OPHN1: variants seen among roughly 807,000 people sequenced by gnomAD.
OPHN1 encodes oligophrenin 1, also known as oligophrenin-1.
A neutral mutation model predicts 60.7 loss-of-function variants in OPHN1; 11 were observed. The ratio of observed to expected loss-of-function variants is 0.18; its 90% confidence interval spans 0.11 to 0.30. OPHN1 has a LOEUF of 0.30. Among genes scored for constraint, OPHN1 ranks in the 10% least tolerant of loss-of-function variants. The probability of loss-of-function intolerance (pLI) is 1.00; values close to 1 mark genes in which losing one functional copy is unlikely to be tolerated. For missense variants in OPHN1, 449 were observed against 611.0 expected (o/e 0.73, Z 2.80); for synonymous variants, 226 against 222.6 (o/e 1.02, Z -0.14).
intron 4 of OPHN1, among the ~76,000 whole-genome samples, chrX:68,276,580 C>T (rs934505849): frequency 8.0e-5 from 9 of 111,839 alleles, no homozygotes; most frequent in Non-Finnish European, 1.3e-4. Flanking sequence ...AGGTCCAGTA[C>T]AGAAAGTCAT....
intron 21 of OPHN1, among the ~76,000 whole-genome samples, chrX:68,061,575 CAT>C (rs1451153795): frequency 8.9e-6 from 1 of 111,788 alleles, no homozygotes; most frequent in Non-Finnish European, 1.9e-5. Flanking sequence ...AGAGCCAAGT[CAT>C]AGTGAGAAGA....
At chrX:68,191,737 GC>G (rs1173434623) in intron 15 of OPHN1, among the ~76,000 whole-genome samples, 1 of 111,868 alleles carries the variant, frequency 8.9e-6, no homozygotes, top group Non-Finnish European at 1.9e-5. Flanking sequence ...GTCTTGCTCA[GC>G]TGAAGAGATA....
intron 2 of OPHN1, among the ~76,000 whole-genome samples, chrX:68,430,369 T>C (rs756013568): frequency 6.7e-4 from 75 of 112,005 alleles, no homozygotes; most frequent in African/African-American, 2.4e-3. Context: ...GGTTTTATTT[T>C]CTACCTGTCC....
chrX:68,051,674 T>C (rs746324676), intron 23 of OPHN1, among the ~76,000 whole-genome samples: 1 of 109,214 alleles, frequency 9.2e-6, no homozygotes, highest in South Asian at 3.9e-4. Flanking sequence ...TCTAAATAAG[T>C]AAAATAACAA....
chrX:68,433,137 C>CATA (rs1207610929), intron 1 of OPHN1, 31 bp downstream of exon 1: 6 of 748,694 alleles, frequency 8.0e-6, no homozygotes, highest in Non-Finnish European at 1.1e-5. Context: ...TAAGGAAGCT[C>CATA]ATAGCCTCCG....
In OPHN1 at chrX:68,365,640, A is replaced by G. The variant is rs192947463; in HGVS notation, c.155-66544T>C. Among the ~76,000 whole-genome samples the G allele has an allele frequency of 6.1e-4, 68 of 110,662 alleles. 1 individual carries two copies. In the East Asian group the frequency reaches 0.014, roughly 23 times the overall value. On this transcript the variant is annotated intron_variant, in intron 2 of 24. Transcript: ENST00000355520. ...GAACAATGTTGATCTAATTCTACAC[A>G]CTCATAAACATAAACAAAGTTTGAG...
intron 15 of OPHN1, among the ~76,000 whole-genome samples, chrX:68,155,105 A>G (rs917745461): frequency 4.5e-5 from 5 of 111,136 alleles, no homozygotes; most frequent in Non-Finnish European, 7.5e-5. Flanking sequence ...TCCCAAGAAA[A>G]GCAAATATAA....
chrX:68,169,529 T>C (rs1271553689), intron 15 of OPHN1, among the ~76,000 whole-genome samples: 2 of 108,510 alleles, frequency 1.8e-5, no homozygotes, highest in African/African-American at 3.5e-5. Flanking sequence ...GACTTCAAAC[T>C]ATACTACAAG....
At chrX:68,223,235 C>T (rs2077672370) in intron 6 of OPHN1, among the ~76,000 whole-genome samples, 2 of 112,210 alleles carry the variant, frequency 1.8e-5, no homozygotes, top group Admixed American at 1.9e-4. Context: ...GACACCTGCA[C>T]TCCTATGTTT....
intron 18 of OPHN1, among the ~76,000 whole-genome samples, chrX:68,103,673 A>G (rs2147415686): frequency 9.0e-6 from 1 of 110,957 alleles, no homozygotes; most frequent in South Asian, 3.9e-4. Flanking sequence ...AACGTATCTC[A>G]AAATAGTAAG....
At chrX:68,094,346 ATAT>A (rs968057656) in intron 19 of OPHN1, among the ~76,000 whole-genome samples, 3 of 111,740 alleles carry the variant, frequency 2.7e-5, no homozygotes, top group Non-Finnish European at 5.7e-5. Flanking sequence ...GTAAGCATTA[ATAT>A]TATTAATACC....
chrX:68,321,440 T>C (rs894670442), intron 2 of OPHN1, among the ~76,000 whole-genome samples: 1 of 112,070 alleles, frequency 8.9e-6, no homozygotes, highest in African/African-American at 3.2e-5. Context: ...GGCACATTAC[T>C]AGAATCCCAT....
At chrX:68,357,025 T>G (rs1231967834) in intron 2 of OPHN1, among the ~76,000 whole-genome samples, 2 of 111,322 alleles carry the variant, frequency 1.8e-5, no homozygotes, top group Non-Finnish European at 3.8e-5. Context: ...AGGCTTCTTT[T>G]TAGGGTGAAG....
chrX:68,070,240 C>CT (rs35535312), intron 20 of OPHN1, among the ~76,000 whole-genome samples: 2 of 110,144 alleles, frequency 1.8e-5, no homozygotes, highest in South Asian at 7.8e-4. Flanking sequence ...ACACAGCTCA[C>CT]TTTTTTTTTA....
In OPHN1 at chrX:68,139,877, C is replaced by A. The variant is rs553318419; in HGVS notation, c.1277-20545G>T. On this transcript the variant is annotated intron_variant, in intron 15 of 24. Transcript: ENST00000355520. ...ACTAAGAAAACTCTAACCCAGACAC[C>A]AACCTCTTAAGAATAACTAAACATA... Among the ~76,000 whole-genome samples, 7 of 111,747 alleles carry A rather than the reference C, an allele frequency of 6.3e-5. No individual in the cohort carries two copies. In the South Asian group the frequency reaches 2.7e-3, roughly 42 times the overall value.
chrX:68,264,560 G>C (rs1228753277), intron 5 of OPHN1, among the ~76,000 whole-genome samples: 1 of 111,953 alleles, frequency 8.9e-6, no homozygotes, highest in Non-Finnish European at 1.9e-5. Context: ...AGCCAAGATG[G>C]CCCAATAGGA....
At chrX:68,429,073 C>T (rs982431132) in intron 2 of OPHN1, among the ~76,000 whole-genome samples, 1 of 111,474 alleles carries the variant, frequency 9.0e-6, no homozygotes, top group Non-Finnish European at 1.9e-5. Flanking sequence ...TTTCTTTGAG[C>T]CTCACAACAA....
intron 18 of OPHN1, among the ~76,000 whole-genome samples, chrX:68,101,703 T>A (rs893202580): frequency 8.9e-6 from 1 of 112,266 alleles, no homozygotes; most frequent in African/African-American, 3.2e-5. Context: ...CCTAGATGTA[T>A]TAAAGACATA....
At chrX:68,206,708 A>G in intron 9 of OPHN1, 35 bp from the exon 10 acceptor site, 1 of 1,032,779 alleles carries the variant, frequency 9.7e-7, no homozygotes, top group Non-Finnish European at 1.4e-6. Context: ...AGACAGAATA[A>G]CTATTTTAGC....
Sources: allele counts gnomAD v4.1 joint callset (sites outside exome capture counted in the v4.1 genomes callset), GRCh38; gene constraint gnomAD v4.1.1; transcripts MANE v1.5; gene names NCBI Gene and HGNC (gene_info 2026-07-23, HGNC 2026-07-21).